The following SPIDR variants were observed in gnomAD, a reference collection of about 807,000 sequenced individuals.
The protein encoded by SPIDR is scaffold protein involved in DNA repair.
A neutral mutation model predicts 104.6 loss-of-function variants in SPIDR; 93 were observed. The ratio of observed to expected loss-of-function variants is 0.89; its 90% confidence interval spans 0.75 to 1.06. The LOEUF (loss-of-function observed/expected upper bound fraction) is 1.06, where lower values mean the gene tolerates loss of function less well. Ranked by LOEUF, SPIDR falls within the 50% of genes least tolerant of loss-of-function variation. SPIDR has a pLI of 0.00. For missense variants in SPIDR, 1,154 were observed against 1,111.2 expected, an observed-to-expected ratio of 1.04 and a Z score of -0.55; for synonymous variants, 431 against 416.9, an observed-to-expected ratio of 1.03 and a Z score of -0.41.
chr8:47,469,266 A>G (rs2075332225), intron 8 of SPIDR, among the ~76,000 whole-genome samples: 1 of 152,200 alleles, frequency 6.6e-6, no homozygotes. Context: ...TCCTTCAACC[A>G]TTGTGGAAAA....
At chr8:47,692,396 A>G (rs1168725498) in intron 11 of SPIDR, among the ~76,000 whole-genome samples, 1 of 151,612 alleles carries the variant, frequency 6.6e-6, no homozygotes, top group Non-Finnish European at 1.5e-5. Flanking sequence ...GTTTCCTGTC[A>G]GTGGAACCAT....
chr8:47,263,541 G>A (rs1194361167), intron 1 of SPIDR, among the ~76,000 whole-genome samples: 1 of 152,070 alleles, frequency 6.6e-6, no homozygotes, highest in Non-Finnish European at 1.5e-5. Context: ...GGATGGTCTC[G>A]ATCTCCTGAC....
intron 5 of SPIDR, among the ~76,000 whole-genome samples, chr8:47,335,804 G>T (rs146839787): frequency 6.6e-6 from 1 of 152,202 alleles, no homozygotes; most frequent in Non-Finnish European, 1.5e-5. Context: ...TTTCTGAGAA[G>T]AAGTTGTTAT....
chr8:47,611,073 A>G (rs778320930), intron 10 of SPIDR, among the ~76,000 whole-genome samples: 4 of 152,238 alleles, frequency 2.6e-5, no homozygotes, highest in Admixed American at 2.0e-4. Context: ...GGAAACAGCA[A>G]TGGCTGATTG....
intron 1 of SPIDR, among the ~76,000 whole-genome samples, chr8:47,276,658 A>AACTCTATCC (rs2036492935): frequency 6.6e-6 from 1 of 152,258 alleles, no homozygotes; most frequent in Non-Finnish European, 1.5e-5. Flanking sequence ...TAAATAAGAT[A>AACTCTATCC]TTCAAATGGA....
At chr8:47,488,229 C>T (rs1034353269) in intron 8 of SPIDR, among the ~76,000 whole-genome samples, 7 of 152,112 alleles carry the variant, frequency 4.6e-5, no homozygotes, top group East Asian at 1.9e-4. Flanking sequence ...AACACCTCTA[C>T]GCAAATAAAC....
intron 8 of SPIDR, among the ~76,000 whole-genome samples, chr8:47,526,997 G>A (rs1247206711): frequency 6.6e-6 from 1 of 152,156 alleles, no homozygotes; most frequent in Non-Finnish European, 1.5e-5. Context: ...TTCACACATT[G>A]CCAGAGGCTC....
In SPIDR at chr8:47,329,219, C is replaced by T. The variant is rs556864074; in HGVS notation, c.525+35189C>T. Among the ~76,000 whole-genome samples, 37 of 152,030 alleles carry T rather than the reference C, an allele frequency of 2.4e-4. No homozygotes were observed. The South Asian group carries it at 7.5e-3, about 31-fold the overall frequency. On this transcript the variant is annotated intron_variant, in intron 5 of 19. Transcript: ENST00000297423. ...CCGAGTAGCTGGGACTACAGGCACC[C>T]GCCACCACGCCCGGCTGATTTTTTT...
chr8:47,409,903 C>T (rs1175187983), intron 7 of SPIDR, among the ~76,000 whole-genome samples: 2 of 152,088 alleles, frequency 1.3e-5, no homozygotes, highest in African/African-American at 4.8e-5. Flanking sequence ...TGGCACACGT[C>T]TATAGTCCTA....
chr8:47,532,749 G>C (rs745631467), intron 8 of SPIDR, among the ~76,000 whole-genome samples: 4 of 152,158 alleles, frequency 2.6e-5, no homozygotes, highest in Admixed American at 2.6e-4. Flanking sequence ...CTCAATAAAG[G>C]CATTGTTGAA....
chr8:47,657,340 A>AT (rs903778548), intron 10 of SPIDR, among the ~76,000 whole-genome samples: 7 of 152,176 alleles, frequency 4.6e-5, no homozygotes, highest in Non-Finnish European at 1.0e-4. Flanking sequence ...TTTTTGTAAC[A>AT]TTTTTGAAAT....
chr8:47,489,797 A>T (rs1432499288), intron 8 of SPIDR, among the ~76,000 whole-genome samples: 1 of 152,236 alleles, frequency 6.6e-6, no homozygotes, highest in East Asian at 1.9e-4. Context: ...CTGGCTAGCC[A>T]TATGTAGAAA....
chr8:47,701,632 A>G (rs2080197483), intron 12 of SPIDR, 89 bp from the exon 13 acceptor site: 7 of 1,288,774 alleles, frequency 5.4e-6, no homozygotes, highest in African/African-American at 3.0e-5. Flanking sequence ...GCAAATATGT[A>G]TATATTAAAG....
chr8:47,380,736 T>A (rs142989780), intron 5 of SPIDR, among the ~76,000 whole-genome samples: 1 of 152,290 alleles, frequency 6.6e-6, no homozygotes, highest in East Asian at 1.9e-4. Flanking sequence ...CAGGTGGTTT[T>A]CAGAGGTGTA....
At chr8:47,363,475 G>A (rs767092584) in intron 5 of SPIDR, among the ~76,000 whole-genome samples, 4 of 147,494 alleles carry the variant, frequency 2.7e-5, no homozygotes, top group African/African-American at 1.0e-4. Flanking sequence ...GATTACAGGC[G>A]TGAGCTACCA....
chr8:47,612,753 C>T (rs565755663), intron 10 of SPIDR, among the ~76,000 whole-genome samples: 1 of 152,302 alleles, frequency 6.6e-6, no homozygotes, highest in African/African-American at 2.4e-5. Context: ...TCATCTGTCA[C>T]CTCTGCCTGG....
At chr8:47,423,537 G>T (rs1554682591) in intron 7 of SPIDR, among the ~76,000 whole-genome samples, 1 of 151,532 alleles carries the variant, frequency 6.6e-6, no homozygotes. Context: ...GGGAGGCAGA[G>T]GTTTTTGTGA....
intron 8 of SPIDR, among the ~76,000 whole-genome samples, chr8:47,472,558 G>A (rs1337762469): frequency 6.6e-6 from 1 of 152,218 alleles, no homozygotes; most frequent in African/African-American, 2.4e-5. Flanking sequence ...CACATGTAGT[G>A]TAAACTAAGT....
At chr8:47,611,778 A>G (rs1359934073) in intron 10 of SPIDR, among the ~76,000 whole-genome samples, 1 of 152,252 alleles carries the variant, frequency 6.6e-6, no homozygotes, top group Non-Finnish European at 1.5e-5. Context: ...ATAGAACTGA[A>G]AGTTCAAGCA....
Sources: gnomAD v4.1 joint callset for allele counts (sites outside exome capture counted in the v4.1 genomes callset) on GRCh38, gnomAD v4.1.1 for gene constraint, MANE v1.5 for transcripts, NCBI Gene and HGNC (gene_info 2026-07-23, HGNC 2026-07-21) for gene names.